The following HBB variants were observed in gnomAD, a reference collection of about 807,000 sequenced individuals.
HBB encodes Hb Monza protein.
HBB carries 18 observed loss-of-function variants against 9.7 expected under a neutral mutation model. The ratio of observed to expected loss-of-function variants is 1.86; its 90% confidence interval spans 1.28 to 2.76. HBB has a LOEUF of 2.76. HBB is among the 30% of genes most tolerant of loss of function. HBB has a pLI of 0.00. For synonymous variants in HBB, 99 were observed against 73.6 expected (o/e 1.35, Z -1.77); for missense variants, 156 against 177.0 (o/e 0.88, Z 0.67).
chr11:5,226,363 GAAAAAA>G, intron 2 of HBB: 1 of 598,874 alleles, frequency 1.7e-6, no homozygotes, highest in Non-Finnish European at 2.9e-6. Context: ...TTGCGGAGAA[GAAAAAA>G]AAAGAAAGCA....
rs1847520603 is a variant in HBB, at chr11:5,225,556, C to A, written c.*42G>T. 5 of 1,610,376 alleles carry A rather than the reference C, an allele frequency of 3.1e-6. No homozygotes were observed. The highest frequency in any genetic ancestry group is 4.2e-6 in the Non-Finnish European group (5 of 1,176,790). ...CAGTTTAGTAGTTGGACTTAGGGAA[C>A]AAAGGAACCTTTAATAGAAATTGGA... On this transcript the variant is annotated 3_prime_UTR_variant, in exon 3 of 3. Coordinates refer to ENST00000335295, the MANE Select transcript of HBB (RefSeq NM_000518.5).
In HBB at chr11:5,226,372, A is replaced by G. The variant is rs1589892081; in HGVS notation, c.315+205T>C. 2 of 618,106 alleles carry G rather than the reference A, an allele frequency of 3.2e-6. No homozygotes were observed. The highest frequency in any genetic ancestry group is 2.8e-6 in the Non-Finnish European group (1 of 353,266). 38.3% of individuals were successfully genotyped at this position (618,106 alleles called of 1,614,324 possible). A position where few individuals can be genotyped will look rare whatever the true frequency, so the allele number is the denominator to read the frequency against. On this transcript the variant is annotated intron_variant, in intron 2 of 2. Transcript: ENST00000335295. ...TAAAAATTGCGGAGAAGAAAAAAAA[A>G]GAAAGCAAGAATTAAACAAAAGAAA...
In HBB at chr11:5,226,938, G is replaced by A. The variant is rs748296717; in HGVS notation, c.84C>T (p.Ala28=). The change falls in exon 1 of 3, where the codon GCC becomes GCT. Residue 28 remains alanine, a synonymous_variant. Coordinates refer to ENST00000335295, the MANE Select transcript of HBB (RefSeq NM_000518.5). ...GTAACCTTGATACCAACCTGCCCAG[G>A]GCCTCACCACCAACTTCATCCACGT... ...KVNVDEVGGE[A]LGRLLVVYPW... The A allele has an allele frequency of 1.2e-6, 2 of 1,613,100 alleles. No homozygotes were observed. The highest frequency in any genetic ancestry group is 8.5e-7 in the Non-Finnish European group (1 of 1,179,120).
rs1308676559 is a variant in HBB at position 5,226,913 on chromosome 11, G to A, written c.92+17C>T. On this transcript the variant is annotated intron_variant, in intron 1 of 2. Coordinates refer to ENST00000335295, the MANE Select transcript of HBB (RefSeq NM_000518.5). The stretch of plus-strand genomic sequence containing the variant: ...CTATTGGTCTCCTTAAACCTGTCTT[G>A]TAACCTTGATACCAACCTGCCCAGG... The A allele has an allele frequency of 6.2e-7, 1 of 1,609,344 alleles. No individual in the cohort carries two copies. Among genetic ancestry groups the A allele is most frequent in the South Asian group, 1.1e-5 (1 of 90,994 alleles).
At position 5,225,753 on chromosome 11, in the gene HBB, A is replaced by C. The variant is rs1280140490; in HGVS notation, c.316-27T>G. The C allele has an allele frequency of 6.2e-7, 1 of 1,613,348 alleles. No individual in the cohort carries two copies. The highest frequency in any genetic ancestry group is 1.3e-5 in the African/African-American group (1 of 74,910). ...TGTGGGAGGAAGATAAGAGGTATGA[A>C]CATGATTAGCAAAAGGGCCTAGCTT... is the stretch of plus-strand genomic sequence containing the variant. On this transcript the variant is annotated intron_variant, in intron 2 of 2. Coordinates refer to ENST00000335295, the MANE Select transcript of HBB (RefSeq NM_000518.5).
Position 5,225,832 on chromosome 11 carries a change from G to C in HBB, c.316-106C>G, listed in dbSNP as rs34690599. ...ACCATAAAATAAAAGCAGAATGGTA[G>C]CTGGATTGTAGCTGCTATTAGCAAT... On this transcript the variant is annotated intron_variant, in intron 2 of 2. Transcript: ENST00000335295. 32 of 1,168,954 alleles carry C rather than the reference G, an allele frequency of 2.7e-5. No homozygotes were observed. Among genetic ancestry groups the C allele is most frequent in the Middle Eastern group, 1.9e-4 (1 of 5,222 alleles). 72.4% of individuals were successfully genotyped at this position (1,168,954 alleles called of 1,614,324 possible). A position where few individuals can be genotyped will look rare whatever the true frequency, so the allele number is the denominator to read the frequency against.
Position 5,227,008 on chromosome 11 carries a change from G to A in HBB, c.14C>T (p.Thr5Ile). The A allele has an allele frequency of 6.2e-7, 1 of 1,609,922 alleles. No homozygotes were observed. The highest frequency in any genetic ancestry group is 8.5e-7 in the Non-Finnish European group (1 of 1,176,156). The part of the protein sequence containing the change: MVHL[T>I]PEEKSAVTAL... ...AGTAACGGCAGACTTCTCCTCAGGA[G>A]TCAGATGCACCATGGTGTCTGTTTG... Residue 5 changes from threonine to isoleucine, a missense_variant, in exon 1 of 3, where the codon ACT becomes ATT. Coordinates refer to ENST00000335295, the MANE Select transcript of HBB (RefSeq NM_000518.5).
Position 5,225,701 on chromosome 11 carries a change from A to T in HBB, c.341T>A (p.Val114Glu), listed in dbSNP as rs34484056. Residue 114 changes from valine to glutamate, a missense_variant, in exon 3 of 3, where the codon GTG becomes GAG. Coordinates refer to ENST00000335295, the MANE Select transcript of HBB (RefSeq NM_000518.5). ...TTCTTTGCCAAAGTGATGGGCCAGC[A>T]CACAGACCAGCACGTTGCCCAGGAG... ...FRLLGNVLVCVLAHHFGKEFT... is the reference protein window; with the variant it reads ...FRLLGNVLVCELAHHFGKEFT... The T allele has an allele frequency of 6.2e-6, 10 of 1,613,998 alleles. No individual in the cohort carries two copies. The East Asian group carries it at 2.2e-4, about 36-fold the overall frequency.
At chr11:5,226,215 C>A in intron 2 of HBB, 1 of 368,580 alleles carries the variant, frequency 2.7e-6, no homozygotes, top group South Asian at 3.9e-5. Flanking sequence ...TATGAATATG[C>A]AAATAAGCAC....
chr11:5,225,655 A>T lies in HBB; in HGVS notation c.387T>A (p.Ala129=), dbSNP rs1248780802. ...CACCAGCCACCACTTTCTGATAGGC[A>T]GCCTGCACTGGTGGGGTGAATTCTT... ...FGKEFTPPVQ[A]AYQKVVAGVA... is the part of the protein sequence containing the mutation. Residue 129 remains alanine (A), a synonymous_variant, in exon 3 of 3, where the codon GCT becomes GCA. Coordinates refer to ENST00000335295, the MANE Select transcript of HBB (RefSeq NM_000518.5). 5 of 1,614,056 alleles carry T rather than the reference A, an allele frequency of 3.1e-6. No individual in the cohort carries two copies. The highest frequency in any genetic ancestry group is 4.2e-6 in the Non-Finnish European group (5 of 1,179,938).
In HBB at chr11:5,226,171, C is replaced by T. The variant is rs1233384303; in HGVS notation, c.315+406G>A. Reference sequence around the variant, plus strand: ...ATAAATATGTATAATGATTATGTATCAATTAAAAATAAAAGAAAATAAAGT... The same window carrying T: ...ATAAATATGTATAATGATTATGTATTAATTAAAAATAAAAGAAAATAAAGT... On this transcript the variant is annotated intron_variant, in intron 2 of 2. Coordinates refer to ENST00000335295, the MANE Select transcript of HBB (RefSeq NM_000518.5). The T allele has an allele frequency of 3.3e-6, 1 of 305,966 alleles. No individual in the cohort carries two copies. Among genetic ancestry groups the T allele is most frequent in the African/African-American group, 2.2e-5 (1 of 45,232 alleles). The allele number at this position is 305,966 out of a possible 1,614,324, so 19.0% of individuals were successfully genotyped here.
rs2133587013 is a variant in HBB, at chr11:5,226,141, A to C, written c.316-415T>G. On this transcript the variant is annotated intron_variant, in intron 2 of 2. Coordinates refer to ENST00000335295, the MANE Select transcript of HBB (RefSeq NM_000518.5). ...TACACATATTAAAACATTACACTTTAACCCATAAATATGTATAATGATTAT... is the reference window on the plus strand; with the variant it reads ...TACACATATTAAAACATTACACTTTCACCCATAAATATGTATAATGATTAT... The C allele has an allele frequency of 3.4e-6, 1 of 295,038 alleles. No individual in the cohort carries two copies. Among genetic ancestry groups the C allele is most frequent in the South Asian group, 4.3e-5 (1 of 23,184 alleles). The allele number at this position is 295,038 out of a possible 1,614,324, so 18.3% of individuals were successfully genotyped here. A position where few individuals can be genotyped will look rare whatever the true frequency, so the allele number is the denominator to read the frequency against.
Position 5,225,919 on chromosome 11 carries a change from T to C in HBB, c.316-193A>G, listed in dbSNP as rs1342329604. Among the ~76,000 whole-genome samples the C allele has an allele frequency of 2.6e-5, 4 of 152,202 alleles. No individual in the cohort carries two copies. The highest frequency in any genetic ancestry group is 9.7e-5 in the African/African-American group (4 of 41,440). ...AAATATTTATATGCAGAGATATTGC[T>C]ATTGCCTTAACCCAGAAATTATCAC... On this transcript the variant is annotated intron_variant, in intron 2 of 2. Transcript: ENST00000335295.
At position 5,225,666 on chromosome 11, in the gene HBB, G is replaced by T; in HGVS notation, c.376C>A (p.Pro126Thr). The T allele has an allele frequency of 6.2e-7, 1 of 1,614,016 alleles. No individual in the cohort carries two copies. Among genetic ancestry groups the T allele is most frequent in the Non-Finnish European group, 8.5e-7 (1 of 1,179,878 alleles). Residue 126 changes from proline to threonine, a missense_variant, in exon 3 of 3, where the codon CCA becomes ACA. Physicochemically the swap from Pro to Thr is conservative, Grantham distance 38. Coordinates refer to ENST00000335295, the MANE Select transcript of HBB (RefSeq NM_000518.5). ...ACTTTCTGATAGGCAGCCTGCACTG[G>T]TGGGGTGAATTCTTTGCCAAAGTGA... ...AHHFGKEFTPPVQAAYQKVVA... is the reference protein window; with the variant it reads ...AHHFGKEFTPTVQAAYQKVVA...
At position 5,226,596 on chromosome 11, in the gene HBB, A is replaced by C. The variant is rs33985510; in HGVS notation, c.296T>G (p.Val99Gly). 1 of 1,614,160 alleles carries C rather than the reference A, an allele frequency of 6.2e-7. No homozygotes were observed. Among genetic ancestry groups the C allele is most frequent in the Non-Finnish European group, 8.5e-7 (1 of 1,180,034 alleles). ...LSELHCDKLH[V>G]DPENFRLLGN... The stretch of plus-strand genomic sequence containing the variant: ...ACTCACCCTGAAGTTCTCAGGATCC[A>C]CGTGCAGCTTGTCACAGTGCAGCTC... Residue 99 changes from valine to glycine, a missense_variant, in exon 2 of 3, where the codon GTG (valine) becomes GGG (glycine). Transcript: ENST00000335295.
intron 2 of HBB, 33 bp downstream of exon 2, chr11:5,226,544 G>T: frequency 6.3e-7 from 1 of 1,591,756 alleles, no homozygotes; most frequent in Non-Finnish European, 8.6e-7. Flanking sequence ...GAAAAGAAGG[G>T]GAAAGAAAAC....
chr11:5,227,017 A>C lies in HBB; in HGVS notation c.5T>G (p.Val2Gly), dbSNP rs33949930. The change falls in exon 1 of 3, where the codon GTG (valine) becomes GGG (glycine). Residue 2 changes from valine to glycine, a missense_variant. Physicochemically the swap from Val to Gly is moderately radical, Grantham distance 109. Transcript: ENST00000335295. The part of the protein sequence containing the change: M[V>G]HLTPEEKSAV... ...AGACTTCTCCTCAGGAGTCAGATGC[A>C]CCATGGTGTCTGTTTGAGGTTGCTA... The C allele has an allele frequency of 6.3e-7, 1 of 1,596,866 alleles. No homozygotes were observed.
Position 5,225,626 on chromosome 11 carries a change from G to A in HBB, c.416C>T (p.Ala139Val), listed in dbSNP as rs35594230. The change falls in exon 3 of 3, where the codon GCT becomes GTT. Residue 139 changes from alanine to valine, a missense_variant. Ala to Val is a moderately conservative substitution (Grantham distance 64). Transcript: ENST00000335295. ...AAYQKVVAGV[A>V]NALAHKYH ...GTGATACTTGTGGGCCAGGGCATTAGCCACACCAGCCACCACTTTCTGATA... is the reference window on the plus strand; with the variant it reads ...GTGATACTTGTGGGCCAGGGCATTAACCACACCAGCCACCACTTTCTGATA... 6.2e-7 allele frequency: 1 copy of A among 1,614,100 alleles called. No homozygotes were observed. Among genetic ancestry groups the A allele is most frequent in the Non-Finnish European group, 8.5e-7 (1 of 1,179,958 alleles).
rs33950093 is a variant in HBB at position 5,226,958 on chromosome 11, C to G, written c.64G>C (p.Asp22His). ...VTALWGKVNV[D>H]EVGGEALGRL... ...CCCAGGGCCTCACCACCAACTTCAT[C>G]CACGTTCACCTTGCCCCACAGGGCA... The change falls in exon 1 of 3, where the codon GAT becomes CAT. Residue 22 changes from aspartate (D) to histidine (H), a missense_variant. Physicochemically the swap from Asp to His is moderately conservative, Grantham distance 81. Coordinates refer to ENST00000335295, the MANE Select transcript of HBB (RefSeq NM_000518.5). The G allele has an allele frequency of 6.2e-7, 1 of 1,613,932 alleles. No homozygotes were observed. Among genetic ancestry groups the G allele is most frequent in the Non-Finnish European group, 8.5e-7 (1 of 1,179,762 alleles).
Sources: allele counts gnomAD v4.1 joint callset (sites outside exome capture counted in the v4.1 genomes callset), GRCh38; gene constraint gnomAD v4.1.1; transcripts MANE v1.5; gene names NCBI Gene and HGNC (gene_info 2026-07-23, HGNC 2026-07-21).